The following SGCZ variants were observed in gnomAD, a reference collection of about 807,000 sequenced individuals.
The protein encoded by SGCZ is zeta-sarcoglycan.
SGCZ carries 40 observed loss-of-function variants against 41.3 expected under a neutral mutation model. That is an observed-to-expected ratio of 0.97 (90% CI 0.75 to 1.26). The LOEUF (loss-of-function observed/expected upper bound fraction) is 1.26. Among genes scored for constraint, SGCZ ranks in the 50% most tolerant of loss-of-function variants. The pLI is 0.00. For synonymous variants in SGCZ, 206 were observed against 137.5 expected, an observed-to-expected ratio of 1.50 and a Z score of -3.49; for missense variants, 552 against 369.8, an observed-to-expected ratio of 1.49 and a Z score of -4.04.
At chr8:14,271,555 G>A (rs1023590551) in intron 3 of SGCZ, among the ~76,000 whole-genome samples, 1 of 152,160 alleles carries the variant, frequency 6.6e-6, no homozygotes, top group Non-Finnish European at 1.5e-5. Flanking sequence ...TTTGACTTAG[G>A]TATTGGAACA....
At chr8:14,595,339 T>C (rs1209597063) in intron 1 of SGCZ, among the ~76,000 whole-genome samples, 2 of 151,836 alleles carry the variant, frequency 1.3e-5, no homozygotes, top group East Asian at 3.9e-4. Flanking sequence ...CCAAAACAAG[T>C]GCATATGTAT....
chr8:15,015,826 C>G (rs1266666863), intron 1 of SGCZ, among the ~76,000 whole-genome samples: 1 of 149,518 alleles, frequency 6.7e-6, no homozygotes, highest in South Asian at 2.1e-4. Flanking sequence ...TCCCTCCCTT[C>G]TAGCCAATTT....
intron 1 of SGCZ, among the ~76,000 whole-genome samples, chr8:14,601,587 C>T (rs988404933): frequency 2.5e-4 from 38 of 152,188 alleles, no homozygotes; most frequent in African/African-American, 8.7e-4. Flanking sequence ...ATACGTAGAG[C>T]ATACAAGTTG....
chr8:14,203,344 A>T (rs1422128848), intron 4 of SGCZ, among the ~76,000 whole-genome samples: 2 of 152,136 alleles, frequency 1.3e-5, no homozygotes, highest in African/African-American at 4.8e-5. Flanking sequence ...TACGTTCATA[A>T]ATGAGAAATT....
At chr8:14,808,924 T>G (rs907473552) in intron 1 of SGCZ, among the ~76,000 whole-genome samples, 1 of 151,608 alleles carries the variant, frequency 6.6e-6, no homozygotes, top group Non-Finnish European at 1.5e-5. Context: ...GTTCATGTCC[T>G]TTGTAGGGAC....
chr8:14,242,892 T>C (rs1798942117), intron 3 of SGCZ, among the ~76,000 whole-genome samples: 1 of 152,160 alleles, frequency 6.6e-6, no homozygotes, highest in African/African-American at 2.4e-5. Context: ...GGAAATTGAA[T>C]TCAACAAAAC....
intron 2 of SGCZ, among the ~76,000 whole-genome samples, chr8:14,391,629 T>C (rs922616985): frequency 6.6e-6 from 1 of 152,098 alleles, no homozygotes; most frequent in African/African-American, 2.4e-5. Flanking sequence ...GGGTATGAAT[T>C]AATGCATTAA....
At chr8:14,610,525 C>T (rs1373768456) in intron 1 of SGCZ, among the ~76,000 whole-genome samples, 2 of 152,226 alleles carry the variant, frequency 1.3e-5, no homozygotes, top group South Asian at 4.1e-4. Flanking sequence ...TATGAGGGCT[C>T]TTGTGTCACA....
At chr8:14,749,644 A>G (rs1209099327) in intron 1 of SGCZ, among the ~76,000 whole-genome samples, 1 of 152,210 alleles carries the variant, frequency 6.6e-6, no homozygotes, top group Non-Finnish European at 1.5e-5. Context: ...TACTAGATTA[A>G]TTAATTACCT....
At chr8:14,374,220 T>C (rs552822550) in intron 2 of SGCZ, among the ~76,000 whole-genome samples, 1 of 151,928 alleles carries the variant, frequency 6.6e-6, no homozygotes, top group Non-Finnish European at 1.5e-5. Flanking sequence ...TCTACACAAG[T>C]ATACAAAAAT....
At chr8:14,559,500 AAC>A (rs1407156117) in intron 1 of SGCZ, among the ~76,000 whole-genome samples, 1 of 152,152 alleles carries the variant, frequency 6.6e-6, no homozygotes, top group Non-Finnish European at 1.5e-5. Flanking sequence ...AACAAATGGA[AAC>A]ACATCCCATG....
intron 3 of SGCZ, among the ~76,000 whole-genome samples, chr8:14,255,055 T>A (rs1033217115): frequency 1.3e-5 from 2 of 152,168 alleles, no homozygotes; most frequent in Non-Finnish European, 2.9e-5. Flanking sequence ...GTGGATGTCC[T>A]CTATGTATCT....
chr8:14,355,225 G>A (rs1803251045), intron 2 of SGCZ, among the ~76,000 whole-genome samples: 1 of 151,956 alleles, frequency 6.6e-6, no homozygotes, highest in Non-Finnish European at 1.5e-5. Flanking sequence ...TGTCAGGAAT[G>A]CAACATAATT....
At chr8:14,226,219 G>A (rs1806368145) in intron 4 of SGCZ, among the ~76,000 whole-genome samples, 2 of 152,154 alleles carry the variant, frequency 1.3e-5, no homozygotes, top group South Asian at 4.1e-4. Context: ...CAGACATCAT[G>A]TAAATTTGGG....
At chr8:14,296,373 G>A (rs889113674) in intron 3 of SGCZ, among the ~76,000 whole-genome samples, 1 of 152,150 alleles carries the variant, frequency 6.6e-6, no homozygotes, top group Non-Finnish European at 1.5e-5. Context: ...ACTGAGGAAA[G>A]TTCTTTAGTC....
intron 1 of SGCZ, among the ~76,000 whole-genome samples, chr8:14,946,004 CCATA>C (rs1465564599): frequency 1.4e-3 from 65 of 45,752 alleles, no homozygotes; most frequent in African/African-American, 4.6e-3. Flanking sequence ...CTAAATGTCC[CCATA>C]TATATATATA....
At chr8:15,054,785 T>C (rs1804643866) in intron 1 of SGCZ, among the ~76,000 whole-genome samples, 1 of 151,166 alleles carries the variant, frequency 6.6e-6, no homozygotes, top group Admixed American at 6.6e-5. Flanking sequence ...AAACCCCGTC[T>C]CTACTAAAAA....
intron 1 of SGCZ, among the ~76,000 whole-genome samples, chr8:14,674,772 C>T (rs1390586564): frequency 6.6e-6 from 1 of 151,134 alleles, no homozygotes; most frequent in East Asian, 1.9e-4. Context: ...AAGTGTGTAG[C>T]CCCTCCCCTG....
chr8:14,326,592 G>T (rs1420381145), intron 2 of SGCZ, among the ~76,000 whole-genome samples: 1 of 152,094 alleles, frequency 6.6e-6, no homozygotes, highest in Non-Finnish European at 1.5e-5. Flanking sequence ...GAAGAAATTT[G>T]TTCCTTGAGG....
Sources: gnomAD v4.1 joint callset for allele counts (sites outside exome capture counted in the v4.1 genomes callset) on GRCh38, gnomAD v4.1.1 for gene constraint, MANE v1.5 for transcripts, NCBI Gene and HGNC (gene_info 2026-07-23, HGNC 2026-07-21) for gene names.